The following PHTF2 variants were observed in gnomAD, a reference collection of about 807,000 sequenced individuals.
PHTF2 encodes the protein protein PHTF2.
A neutral mutation model predicts 101.2 loss-of-function variants in PHTF2; 60 were observed. That is an observed-to-expected ratio of 0.59 (90% CI 0.48 to 0.73). The LOEUF is 0.73. Ranked by LOEUF, PHTF2 falls within the 30% of genes least tolerant of loss-of-function variation. The pLI, the probability that PHTF2 is intolerant of heterozygous loss-of-function variation, is 0.00. For missense variants in PHTF2, 747 were observed against 908.7 expected (o/e 0.82, Z 2.29); for synonymous variants, 311 against 307.3 (o/e 1.01, Z -0.13).
chr7:77,864,948 A>AAT (rs575575338), intron 3 of PHTF2, among the ~76,000 whole-genome samples: 46 of 152,250 alleles, frequency 3.0e-4, no homozygotes, highest in Middle Eastern at 6.8e-3. Flanking sequence ...TATTGTCCAT[A>AAT]ATAATGTCTT....
At chr7:77,944,460 G>A (rs535317081) in intron 16 of PHTF2, among the ~76,000 whole-genome samples, 4 of 152,152 alleles carry the variant, frequency 2.6e-5, no homozygotes, top group Non-Finnish European at 4.4e-5. Flanking sequence ...CTTACTACAG[G>A]TTTAGGGTTC....
At chr7:77,947,878 G>C (rs902570818) in intron 16 of PHTF2, among the ~76,000 whole-genome samples, 1 of 94,086 alleles carries the variant, frequency 1.1e-5, no homozygotes, top group African/African-American at 4.2e-5. Flanking sequence ...TTGCTCTGTC[G>C]GCCAGGCTGG....
At chr7:77,952,415 A>G (rs1483490231) in intron 18 of PHTF2, among the ~76,000 whole-genome samples, 7 of 152,196 alleles carry the variant, frequency 4.6e-5, no homozygotes, top group Non-Finnish European at 1.0e-4. Flanking sequence ...TTGGGTATAG[A>G]CTATGCACCA....
At position 77,910,697 on chromosome 7, in the gene PHTF2, A is replaced by G. The variant is rs559562608; in HGVS notation, c.776+288A>G. 4.9e-3 allele frequency among the ~76,000 whole-genome samples: 749 copies of G among 152,060 alleles called. 9 individuals are homozygous for G. Among genetic ancestry groups the G allele is most frequent in the African/African-American group, 0.017 (696 of 41,460 alleles). On this transcript the variant is annotated intron_variant, in intron 9 of 19. Coordinates refer to ENST00000416283, the Ensembl canonical transcript of PHTF2. ...GGCTCTGTTGCCCAGGCTGGAGTGC[A>G]GTGGCACGATCTCGGCTCACTGCAT...
chr7:77,812,878 A>C (rs540750502), intron 1 of PHTF2, among the ~76,000 whole-genome samples: 8 of 152,190 alleles, frequency 5.3e-5, no homozygotes, highest in South Asian at 2.1e-4. Flanking sequence ...TGTGAGCCAC[A>C]GCACCCAGCC....
intron 1 of PHTF2, among the ~76,000 whole-genome samples, chr7:77,828,458 A>G (rs1190741046): frequency 6.6e-6 from 1 of 152,188 alleles, no homozygotes; most frequent in East Asian, 1.9e-4. Context: ...AAGACATATC[A>G]GGTGGGTTGA....
intron 3 of PHTF2, among the ~76,000 whole-genome samples, chr7:77,891,998 C>T (rs1262285668): frequency 6.6e-6 from 1 of 152,182 alleles, no homozygotes; most frequent in African/African-American, 2.4e-5. Context: ...GAGAGAATAG[C>T]CGGGTGCGTT....
At chr7:77,877,412 C>A (rs1425206560) in intron 3 of PHTF2, among the ~76,000 whole-genome samples, 16 of 152,136 alleles carry the variant, frequency 1.1e-4, no homozygotes, top group Admixed American at 1.0e-3. Context: ...CAATAATGAT[C>A]TTTTCTTTCC....
At chr7:77,811,563 TAAAG>T (rs1363430247) in intron 1 of PHTF2, among the ~76,000 whole-genome samples, 1 of 152,212 alleles carries the variant, frequency 6.6e-6, no homozygotes, top group African/African-American at 2.4e-5. Context: ...ACTTCTGTGA[TAAAG>T]AAAAGCTTCT....
intron 1 of PHTF2, among the ~76,000 whole-genome samples, chr7:77,811,507 A>G (rs1338244438): frequency 6.6e-6 from 1 of 152,208 alleles, no homozygotes; most frequent in East Asian, 1.9e-4. Flanking sequence ...TGGGTGCCAA[A>G]TGGTGATTTT....
intron 3 of PHTF2, among the ~76,000 whole-genome samples, chr7:77,865,544 A>G (rs1797988724): frequency 6.6e-6 from 1 of 152,024 alleles, no homozygotes. Context: ...TATAATATCA[A>G]TTATTATTCT....
At chr7:77,871,016 T>G (rs939824479) in intron 3 of PHTF2, among the ~76,000 whole-genome samples, 2 of 152,284 alleles carry the variant, frequency 1.3e-5, no homozygotes, top group Middle Eastern at 3.4e-3. Context: ...ACAGTTACAG[T>G]CCTTGTTTCT....
intron 1 of PHTF2, among the ~76,000 whole-genome samples, chr7:77,805,754 A>G (rs952536137): frequency 3.3e-5 from 5 of 152,230 alleles, no homozygotes; most frequent in Admixed American, 6.5e-5. Context: ...CTCTGGTCAA[A>G]GAACATACAT....
chr7:77,939,332 G>T (rs1323564891), intron 13 of PHTF2, among the ~76,000 whole-genome samples: 1 of 152,148 alleles, frequency 6.6e-6, no homozygotes, highest in Non-Finnish European at 1.5e-5. Context: ...GCGGCTGGGT[G>T]TGTTGGCTTA....
chr7:77,830,561 T>G (rs922106825), intron 1 of PHTF2, among the ~76,000 whole-genome samples: 6 of 152,196 alleles, frequency 3.9e-5, no homozygotes. Context: ...CAGCTGTGTA[T>G]GTGAGAGATC....
intron 3 of PHTF2, among the ~76,000 whole-genome samples, chr7:77,867,933 A>G (rs1798199544): frequency 1.3e-5 from 2 of 152,220 alleles, no homozygotes; most frequent in African/African-American, 2.4e-5. Context: ...CAGAACTTTA[A>G]AGCAAGTTGT....
At chr7:77,924,576 A>G (rs1166926462) in intron 11 of PHTF2, among the ~76,000 whole-genome samples, 1 of 152,242 alleles carries the variant, frequency 6.6e-6, no homozygotes, top group Non-Finnish European at 1.5e-5. Context: ...TTTTCTTGAT[A>G]AAAGTATTCC....
intron 1 of PHTF2, among the ~76,000 whole-genome samples, chr7:77,830,616 G>A (rs1795008880): frequency 6.6e-6 from 1 of 152,204 alleles, no homozygotes; most frequent in Non-Finnish European, 1.5e-5. Flanking sequence ...GATTGTCTGA[G>A]GTGGAGTTGA....
At chr7:77,861,814 T>A (rs556650009) in intron 3 of PHTF2, among the ~76,000 whole-genome samples, 3 of 152,162 alleles carry the variant, frequency 2.0e-5, no homozygotes, top group Non-Finnish European at 2.9e-5. Flanking sequence ...TCCCAGCACT[T>A]TGGGAGGCCA....
Sources: gnomAD v4.1 joint callset for allele counts (sites outside exome capture counted in the v4.1 genomes callset) on GRCh38, gnomAD v4.1.1 for gene constraint, MANE v1.5 for transcripts, NCBI Gene and HGNC (gene_info 2026-07-23, HGNC 2026-07-21) for gene names.